The following RASAL2 variants were observed in gnomAD, a reference collection of about 807,000 sequenced individuals.
The protein encoded by RASAL2 is RAS protein activator like 2.
Under a neutral mutation model 128.9 loss-of-function variants are expected in RASAL2, and 58 were observed. That is an observed-to-expected ratio of 0.45 (90% CI 0.36 to 0.56). The LOEUF (loss-of-function observed/expected upper bound fraction) is 0.56. Among genes scored for constraint, RASAL2 ranks in the 20% least tolerant of loss-of-function variants. The pLI is 0.00. For missense variants in RASAL2, 1,360 were observed against 1,601.6 expected (o/e 0.85, Z 2.57); for synonymous variants, 561 against 580.8 (o/e 0.97, Z 0.49).
In RASAL2 at chr1:178,186,190, A is replaced by G. The variant is rs75602636; in HGVS notation, c.202+91496A>G. On this transcript the variant is annotated intron_variant, in intron 1 of 17. Transcript: ENST00000367649. The stretch of plus-strand genomic sequence containing the variant: ...GTTGTTTGTAACATTTATTGTCCGC[A>G]TAACGTCCATGTGATCAGTAGTGAT... Among the ~76,000 whole-genome samples, 1,421 of 150,830 alleles carry G rather than the reference A, an allele frequency of 9.4e-3. 11 individuals are homozygous for G. Among genetic ancestry groups the G allele is most frequent in the Non-Finnish European group, 0.012 (785 of 67,748 alleles).
chr1:178,127,970 A>G (rs927043929), intron 1 of RASAL2, among the ~76,000 whole-genome samples: 6 of 152,130 alleles, frequency 3.9e-5, no homozygotes, highest in African/African-American at 1.2e-4. Flanking sequence ...TACTAAAGCT[A>G]TGGAAAACCA....
At chr1:178,299,557 G>T (rs533649953) in intron 2 of RASAL2, among the ~76,000 whole-genome samples, 1 of 152,014 alleles carries the variant, frequency 6.6e-6, no homozygotes, top group Non-Finnish European at 1.5e-5. Flanking sequence ...GAGTGCAGTG[G>T]TGTGATCTCG....
In RASAL2 at chr1:178,203,300, C is replaced by G. The variant is rs1426186807; in HGVS notation, c.203-80264C>G. Among the ~76,000 whole-genome samples, 4 of 152,314 alleles carry G rather than the reference C, an allele frequency of 2.6e-5. No homozygotes were observed. In the East Asian group the frequency reaches 7.7e-4, roughly 29 times the overall value. On this transcript the variant is annotated intron_variant, in intron 1 of 17. Coordinates refer to ENST00000367649, the MANE Select transcript of RASAL2 (RefSeq NM_170692.4). ...ATGCTTATGGAATTCACTGGTCTTACCATGTTCCTCATCATCCTGAAGCAG... is the reference window on the plus strand; with the variant it reads ...ATGCTTATGGAATTCACTGGTCTTAGCATGTTCCTCATCATCCTGAAGCAG...
chr1:178,348,352 A>G (rs952934220), intron 3 of RASAL2, among the ~76,000 whole-genome samples: 6 of 152,172 alleles, frequency 3.9e-5, no homozygotes. Flanking sequence ...CAATGGCCCA[A>G]CTAATCATAG....
At chr1:178,261,250 A>C (rs2102133597) in intron 1 of RASAL2, among the ~76,000 whole-genome samples, 1 of 151,510 alleles carries the variant, frequency 6.6e-6, no homozygotes, top group African/African-American at 2.4e-5. Context: ...TCATGTTTGT[A>C]ACTCATGGAA....
chr1:178,250,001 G>C (rs1664963929), intron 1 of RASAL2, among the ~76,000 whole-genome samples: 1 of 152,168 alleles, frequency 6.6e-6, no homozygotes, highest in Non-Finnish European at 1.5e-5. Flanking sequence ...GTCAACCCCT[G>C]TTGTGAGGTC....
At chr1:178,446,807 A>G (rs960230890) in intron 9 of RASAL2, among the ~76,000 whole-genome samples, 34 of 152,328 alleles carry the variant, frequency 2.2e-4, no homozygotes, top group African/African-American at 6.3e-4. Flanking sequence ...AGAATTGTCA[A>G]ACTTTCTGTG....
intron 17 of RASAL2, among the ~76,000 whole-genome samples, chr1:178,470,078 G>A (rs6425475): frequency 0.025 from 3,769 of 152,224 alleles, 62 homozygotes; most frequent in South Asian, 0.073. Context: ...ACATCCTTTG[G>A]CATTCTTTGT....
intron 1 of RASAL2, among the ~76,000 whole-genome samples, chr1:178,228,157 G>T (rs982234377): frequency 5.9e-5 from 9 of 152,024 alleles, no homozygotes; most frequent in African/African-American, 2.2e-4. Context: ...TTATTTCTTT[G>T]ATTCTTGCTT....
intron 14 of RASAL2, among the ~76,000 whole-genome samples, chr1:178,460,353 T>C (rs1678096498): frequency 6.6e-6 from 1 of 152,204 alleles, no homozygotes; most frequent in Non-Finnish European, 1.5e-5. Flanking sequence ...GGAGGGCCTA[T>C]GACTCAGGCT....
chr1:178,171,014 A>T (rs2101910991), intron 1 of RASAL2, among the ~76,000 whole-genome samples: 1 of 152,018 alleles, frequency 6.6e-6, no homozygotes, highest in East Asian at 1.9e-4. Context: ...AATTCAGTGT[A>T]AGTTTGCTTG....
chr1:178,168,081 G>A (rs1313758708), intron 1 of RASAL2, among the ~76,000 whole-genome samples: 2 of 152,016 alleles, frequency 1.3e-5, no homozygotes, highest in Non-Finnish European at 2.9e-5. Flanking sequence ...CAAGCAGATG[G>A]CATCCTGCTT....
chr1:178,360,128 G>A (rs968617485), intron 3 of RASAL2, among the ~76,000 whole-genome samples: 1 of 152,100 alleles, frequency 6.6e-6, no homozygotes. Context: ...TAATCTACTT[G>A]ATTAAAATTT....
At chr1:178,404,435 T>C (rs999200504) in intron 4 of RASAL2, among the ~76,000 whole-genome samples, 2 of 150,628 alleles carry the variant, frequency 1.3e-5, no homozygotes, top group African/African-American at 4.9e-5. Context: ...GGCTAGAGCG[T>C]AGTGGTGCCA....
intron 2 of RASAL2, among the ~76,000 whole-genome samples, chr1:178,292,427 A>T (rs561622291): frequency 6.6e-6 from 1 of 152,218 alleles, no homozygotes; most frequent in African/African-American, 2.4e-5. Context: ...AAATATTCCA[A>T]TGACCAATCT....
At chr1:178,135,532 G>A (rs1434342331) in intron 1 of RASAL2, among the ~76,000 whole-genome samples, 5 of 137,364 alleles carry the variant, frequency 3.6e-5, no homozygotes, top group Admixed American at 1.5e-4. Context: ...TTCCGAATAC[G>A]TAGTAGCTGA....
intron 3 of RASAL2, among the ~76,000 whole-genome samples, chr1:178,380,263 G>A (rs1056972995): frequency 6.6e-6 from 1 of 151,856 alleles, no homozygotes; most frequent in Non-Finnish European, 1.5e-5. Context: ...TTTCCCATGA[G>A]GCTTATTTAT....
intron 14 of RASAL2, among the ~76,000 whole-genome samples, chr1:178,463,876 C>CTTT (rs774362998): frequency 1.1e-4 from 17 of 152,008 alleles, no homozygotes; most frequent in Non-Finnish European, 2.2e-4. Flanking sequence ...TCAGGTTATG[C>CTTT]TTTCTTTCTC....
At chr1:178,204,637 A>G (rs1306516751) in intron 1 of RASAL2, among the ~76,000 whole-genome samples, 3 of 152,238 alleles carry the variant, frequency 2.0e-5, no homozygotes, top group Non-Finnish European at 4.4e-5. Context: ...ATTTTGCATA[A>G]ATTAAAAAGC....
Sources: allele counts gnomAD v4.1 joint callset (sites outside exome capture counted in the v4.1 genomes callset), GRCh38; gene constraint gnomAD v4.1.1; transcripts MANE v1.5; gene names NCBI Gene and HGNC (gene_info 2026-07-23, HGNC 2026-07-21).